The following NGLY1 variants were observed in gnomAD, a reference collection of about 807,000 sequenced individuals.
NGLY1 encodes the protein N-glycanase 1.
A neutral mutation model predicts 84.6 loss-of-function variants in NGLY1; 68 were observed. The ratio of observed to expected loss-of-function variants is 0.80; its 90% CI spans 0.66 to 0.98. NGLY1 has a LOEUF of 0.98. NGLY1 is among the 50% of genes least tolerant of loss of function. The pLI, the probability that NGLY1 is intolerant of heterozygous loss-of-function variation, is 0.00. For missense variants in NGLY1, 779 were observed against 770.2 expected, an observed-to-expected ratio of 1.01 and a Z score of -0.14; for synonymous variants, 280 against 275.2, an observed-to-expected ratio of 1.02 and a Z score of -0.17.
chr3:25,738,877 T>C (rs998902188), intron 5 of NGLY1, among the ~76,000 whole-genome samples: 11 of 152,284 alleles, frequency 7.2e-5, no homozygotes, highest in Admixed American at 6.5e-4. Context: ...CCAGACTTTA[T>C]AAACATTGCC....
intron 3 of NGLY1, among the ~76,000 whole-genome samples, chr3:25,752,501 T>C (rs955972246): frequency 6.6e-6 from 1 of 152,044 alleles, no homozygotes; most frequent in Non-Finnish European, 1.5e-5. Context: ...ATTACAGGCA[T>C]AAGCCACCAC....
At chr3:25,786,495 A>G (rs554896917), upstream of NGLY1, among the ~76,000 whole-genome samples, 2 of 152,320 alleles carry the variant, frequency 1.3e-5, no homozygotes, top group South Asian at 4.1e-4. Flanking sequence ...TGAAACAACG[A>G]TGGGTATAAA....
At chr3:25,743,171 A>T (rs1009663277) in intron 4 of NGLY1, among the ~76,000 whole-genome samples, 1 of 152,156 alleles carries the variant, frequency 6.6e-6, no homozygotes, top group Non-Finnish European at 1.5e-5. Flanking sequence ...CCTCCAAAAG[A>T]AGCATGGCTC....
At chr3:25,738,563 A>C (rs1021695815) in intron 5 of NGLY1, among the ~76,000 whole-genome samples, 2 of 152,204 alleles carry the variant, frequency 1.3e-5, no homozygotes, top group Non-Finnish European at 2.9e-5. Flanking sequence ...AAGTCTGTTA[A>C]GCAAATGCTT....
chr3:25,733,413 T>C (rs922778462), intron 8 of NGLY1, among the ~76,000 whole-genome samples: 7 of 151,818 alleles, frequency 4.6e-5, no homozygotes, highest in African/African-American at 4.8e-5. Context: ...CTCTCAGAAG[T>C]AGTCATTGTT....
chr3:25,767,064 C>T (rs1007687412), intron 2 of NGLY1, among the ~76,000 whole-genome samples: 21 of 152,034 alleles, frequency 1.4e-4, no homozygotes, highest in African/African-American at 2.9e-4. Flanking sequence ...GAGACCGAGG[C>T]GGGCAAATCA....
chr3:25,749,606 G>C, intron 4 of NGLY1: 1 of 1,463,090 alleles, frequency 6.8e-7, no homozygotes, highest in Non-Finnish European at 9.5e-7. Flanking sequence ...GAAACCCAGA[G>C]GTATTGACGA....
At chr3:25,778,781 C>G in intron 1 of NGLY1, 93 bp from the exon 2 acceptor site, 1 of 578,876 alleles carries the variant, frequency 1.7e-6, no homozygotes, top group South Asian at 3.0e-5. Context: ...CTAGGTATAC[C>G]TTTATAGTCA....
In NGLY1 at chr3:25,736,053, A is replaced by G. The variant is rs1488844894; in HGVS notation, c.1100T>C (p.Ile367Thr). 6.2e-7 allele frequency: 1 copy of G among 1,613,974 alleles called. No homozygotes were observed. Among genetic ancestry groups the G allele is most frequent in the Non-Finnish European group, 8.5e-7 (1 of 1,179,898 alleles). Residue 367 changes from isoleucine to threonine, a missense_variant, in exon 7 of 12, where the codon ATA becomes ACA. Ile to Thr is a moderately conservative substitution (Grantham distance 89). Coordinates refer to ENST00000280700, the MANE Select transcript of NGLY1 (RefSeq NM_018297.4). ...ATAGGAAAGCTTCTTGCCCCATCCT[A>G]TTTCATAAAGGAGTGGCTTGTCACA... The part of the protein sequence containing the change: ...DVCDKPLLYE[I>T]GWGKKLSYVI...
At chr3:25,719,985 C>T (rs369174721) in intron 11 of NGLY1, 29 bp downstream of exon 11, 12 of 1,577,344 alleles carry the variant, frequency 7.6e-6, no homozygotes, top group Admixed American at 3.4e-5. Context: ...ATATATATTT[C>T]GTGATTAATT....
At chr3:25,756,747 T>A (rs1707055886) in intron 3 of NGLY1, among the ~76,000 whole-genome samples, 1 of 152,170 alleles carries the variant, frequency 6.6e-6, no homozygotes, top group African/African-American at 2.4e-5. Context: ...GGATATCACA[T>A]ATAAGATGGG....
rs938068981 is a variant in NGLY1 at position 25,749,398 on chromosome 3, A to C, written c.658+1700T>G. ...GATATGCAAAATGTGATATATACAT[A>C]AACAGGACATTATTCACCTTAAAAA... On this transcript the variant is annotated intron_variant, in intron 4 of 11. Coordinates refer to ENST00000280700, the MANE Select transcript of NGLY1 (RefSeq NM_018297.4). 7.9e-6 allele frequency: 6 copies of C among 762,172 alleles called. No individual in the cohort carries two copies. The African/African-American group carries it at 8.7e-5, about 11-fold the overall frequency. 47.2% of individuals were successfully genotyped at this position (762,172 alleles called of 1,614,324 possible).
rs769112653 is a variant in NGLY1 at position 25,719,491 on chromosome 3, A to G, written c.1934T>C (p.Leu645Ser). The change falls in exon 12 of 12, where the codon TTG (leucine) becomes TCG (serine). Residue 645 changes from leucine to serine, a missense_variant. Transcript: ENST00000280700. ...QSLNDHEENC[L>S]EIIIKFSDL ...GTCACTGAATTTTATAATTATCTCC[A>G]AACAATTTTCTTCATGGTCATTTAA... The G allele has an allele frequency of 1.2e-6, 2 of 1,613,866 alleles. No homozygotes were observed. The highest frequency in any genetic ancestry group is 2.2e-5 in the South Asian group (2 of 91,056).
intron 3 of NGLY1, among the ~76,000 whole-genome samples, chr3:25,752,410 T>TG (rs1559544930): frequency 6.6e-6 from 1 of 151,934 alleles, no homozygotes; most frequent in Non-Finnish European, 1.5e-5. Flanking sequence ...TTAGTAGAGA[T>TG]GGGGTTTCAC....
At position 25,736,211 on chromosome 3, in the gene NGLY1, A is replaced by G. The variant is rs550509275; in HGVS notation, c.1004-62T>C. 4.9e-5 allele frequency: 77 copies of G among 1,583,380 alleles called. No homozygotes were observed. In the African/African-American group the frequency reaches 8.4e-4, roughly 17 times the overall value. On this transcript the variant is annotated intron_variant, in intron 6 of 11. Coordinates refer to ENST00000280700, the MANE Select transcript of NGLY1 (RefSeq NM_018297.4). Reference sequence around the variant, plus strand: ...GACAATGAAATCAGAATGACTTTCAATAACTATACACAAACTCCTAAGAAT... The same window carrying G: ...GACAATGAAATCAGAATGACTTTCAGTAACTATACACAAACTCCTAAGAAT...
intron 8 of NGLY1, among the ~76,000 whole-genome samples, chr3:25,733,479 G>A (rs896326350): frequency 0.026 from 3,487 of 134,534 alleles, 144 homozygotes; most frequent in African/African-American, 0.088. Context: ...GTGTGTGTGT[G>A]TGTGTGTGTG....
intron 1 of NGLY1, among the ~76,000 whole-genome samples, chr3:25,779,767 T>C (rs968059150): frequency 1.3e-5 from 2 of 152,272 alleles, no homozygotes; most frequent in Admixed American, 1.3e-4. Context: ...CACCAGTCAA[T>C]TGCCTATTGG....
chr3:25,751,546 C>A (rs189638379), intron 3 of NGLY1, among the ~76,000 whole-genome samples: 1 of 152,216 alleles, frequency 6.6e-6, no homozygotes, highest in East Asian at 1.9e-4. Context: ...TGGATCAATA[C>A]AGAGCTCTGA....
At chr3:25,770,128 T>C (rs559030207) in intron 2 of NGLY1, among the ~76,000 whole-genome samples, 1 of 152,348 alleles carries the variant, frequency 6.6e-6, no homozygotes, top group Non-Finnish European at 1.5e-5. Flanking sequence ...ATTCTTTTTT[T>C]ATAGCTGAGT....
Sources: allele counts gnomAD v4.1 joint callset (sites outside exome capture counted in the v4.1 genomes callset), GRCh38; gene constraint gnomAD v4.1.1; transcripts MANE v1.5; gene names NCBI Gene and HGNC (gene_info 2026-07-23, HGNC 2026-07-21).